Variants in EIF2AK1 observed in about 807,000 individuals in gnomAD.
EIF2AK1 encodes eukaryotic translation initiation factor 2-alpha kinase 1.
Under a neutral mutation model 77.9 loss-of-function variants are expected in EIF2AK1, and 54 were observed. The ratio of observed to expected loss-of-function variants is 0.69; its 90% confidence interval spans 0.56 to 0.87. The LOEUF (loss-of-function observed/expected upper bound fraction) is 0.87. Among genes scored for constraint, EIF2AK1 ranks in the 40% least tolerant of loss-of-function variants. The pLI, the probability that EIF2AK1 is intolerant of heterozygous loss-of-function variation, is 0.00. For missense variants in EIF2AK1, 810 were observed against 768.6 expected (o/e 1.05, Z -0.64); for synonymous variants, 314 against 290.5 (o/e 1.08, Z -0.82).
At chr7:6,057,962 T>A (rs1788834316) in intron 1 of EIF2AK1, among the ~76,000 whole-genome samples, 1 of 152,154 alleles carries the variant, frequency 6.6e-6, no homozygotes, top group Non-Finnish European at 1.5e-5. Flanking sequence ...TAATTTTTAA[T>A]ATTGCTAAAA....
rs756129482 is a variant in EIF2AK1, at chr7:6,050,029, A to G, written c.294T>C (p.Phe98=). 1 of 1,608,228 alleles carries G rather than the reference A, an allele frequency of 6.2e-7. No homozygotes were observed. The highest frequency in any genetic ancestry group is 2.2e-5 in the East Asian group (1 of 44,858). The change falls in exon 3 of 15, where the codon TTT becomes TTC. Residue 98 remains phenylalanine (F), a synonymous_variant. Transcript: ENST00000199389. ...AAGAAGACAGCAGCCCCATTTTGATAAACGTCTGGCAAAGTACTATAAAAA... is the reference window on the plus strand; with the variant it reads ...AAGAAGACAGCAGCCCCATTTTGATGAACGTCTGGCAAAGTACTATAAAAA... ...RQVFKLLCQT[F]IKMGLLSSFT... is the part of the protein sequence containing the mutation.
Position 6,035,877 on chromosome 7 carries a change from G to T in EIF2AK1, c.1332+1547C>A, listed in dbSNP as rs1184542569. On this transcript the variant is annotated intron_variant, in intron 11 of 14. Coordinates refer to ENST00000199389, the MANE Select transcript of EIF2AK1 (RefSeq NM_014413.4). This position sits in a 1 kb window ranked among gnomAD's most constrained non-coding sequence, Gnocchi z 5.5. ...TGCAGTGTGCACTGCATCAAGCAAA[G>T]CAGGCCGACTCCTCGGGGCGGGGGT... 3 of 1,547,218 alleles carry T rather than the reference G, an allele frequency of 1.9e-6. No individual in the cohort carries two copies. In the South Asian group the frequency reaches 3.6e-5, roughly 19 times the overall value.
intron 11 of EIF2AK1, among the ~76,000 whole-genome samples, chr7:6,030,741 C>T (rs1353194160): frequency 6.6e-6 from 1 of 152,146 alleles, no homozygotes; most frequent in African/African-American, 2.4e-5. Flanking sequence ...TCATGTTCTG[C>T]CCGCCCTGGC....
Position 6,022,739 on chromosome 7 carries a change from G to C in EIF2AK1, c.*1934C>G, listed in dbSNP as rs1222788539. ...GGTTCTGTCCAACCAGGCAAAGCGG[G>C]GAGTCATGGCTATCACAGCCATCTT... On this transcript the variant is annotated 3_prime_UTR_variant, in exon 15 of 15. Transcript: ENST00000199389. 6.6e-6 allele frequency: 1 copy of C among 152,452 alleles called. No individual in the cohort carries two copies. Among genetic ancestry groups the C allele is most frequent in the Non-Finnish European group, 1.5e-5 (1 of 68,296 alleles). The allele number at this position is 152,452 out of a possible 1,614,324, so 9.4% of individuals were successfully genotyped here. A position where few individuals can be genotyped will look rare whatever the true frequency, so the allele number is the denominator to read the frequency against.
chr7:6,034,798 G>C (rs188034801), intron 11 of EIF2AK1, among the ~76,000 whole-genome samples: 165 of 152,316 alleles, frequency 1.1e-3, no homozygotes, highest in African/African-American at 3.6e-3. Context: ...TGAGGGCCAA[G>C]TTGTAAAATG....
intron 4 of EIF2AK1, among the ~76,000 whole-genome samples, chr7:6,048,572 A>T (rs1183696814): frequency 6.6e-6 from 1 of 152,190 alleles, no homozygotes; most frequent in Non-Finnish European, 1.5e-5. Context: ...GGTATCAGGA[A>T]TCTGAATTAA....
intron 5 of EIF2AK1, 85 bp downstream of exon 5, chr7:6,046,907 T>C (rs920824224): frequency 7.7e-5 from 97 of 1,266,130 alleles, no homozygotes; most frequent in Non-Finnish European, 9.9e-5. Context: ...CTCAAAAAAA[T>C]AAATAAATAA....
chr7:6,040,767 A>G (rs1788272901), intron 9 of EIF2AK1, 125 bp downstream of exon 9: 3 of 791,040 alleles, frequency 3.8e-6, no homozygotes, highest in Non-Finnish European at 6.1e-6. Context: ...CAAGGGGAAC[A>G]TGGCCAGTAC....
chr7:6,058,635 C>T (rs1281684206), intron 1 of EIF2AK1, among the ~76,000 whole-genome samples: 1 of 152,228 alleles, frequency 6.6e-6, no homozygotes, highest in Non-Finnish European at 1.5e-5. Context: ...AGATCGTTCT[C>T]AACCAATGAC....
Position 6,026,885 on chromosome 7 carries a change from A to G in EIF2AK1, c.1607T>C (p.Val536Ala). 1 of 1,614,108 alleles carries G rather than the reference A, an allele frequency of 6.2e-7. No individual in the cohort carries two copies. Among genetic ancestry groups the G allele is most frequent in the Non-Finnish European group, 8.5e-7 (1 of 1,180,020 alleles). ...PFGTEMERAE[V>A]LTGLRTGQLP... is the part of the protein sequence containing the mutation. ...CTGACCAGTTCTTAAACCTGTTAGA[A>G]CTTCTGCTCGCTCCATTTCTGTTCC... The change falls in exon 14 of 15, where the codon GTT becomes GCT. Residue 536 changes from valine (V) to alanine (A), a missense_variant. Physicochemically the swap from Val to Ala is moderately conservative, Grantham distance 64. This residue lies in a region of EIF2AK1 where 549 missense variants were observed against 533.7 expected (regional missense o/e 1.03). Coordinates refer to ENST00000199389, the MANE Select transcript of EIF2AK1 (RefSeq NM_014413.4).
Position 6,036,254 on chromosome 7 carries a change from C to A in EIF2AK1, c.1332+1170G>T, listed in dbSNP as rs572563775. 54 of 1,550,136 alleles carry A rather than the reference C, an allele frequency of 3.5e-5. No homozygotes were observed. In the African/African-American group the frequency reaches 6.8e-4, roughly 20 times the overall value. ...TAAAGCAATCGCAAAAACCTTTATCCCTACAGGGTATCTGCAAAAGAAACA... is the reference window on the plus strand; with the variant it reads ...TAAAGCAATCGCAAAAACCTTTATCACTACAGGGTATCTGCAAAAGAAACA... On this transcript the variant is annotated intron_variant, in intron 11 of 14. Coordinates refer to ENST00000199389, the MANE Select transcript of EIF2AK1 (RefSeq NM_014413.4). The surrounding 1 kb of genome is among the most constrained non-coding windows in gnomAD (Gnocchi z 4.6).
chr7:6,045,578 C>G (rs1236705241), intron 6 of EIF2AK1, among the ~76,000 whole-genome samples: 2 of 151,952 alleles, frequency 1.3e-5, no homozygotes, highest in Non-Finnish European at 2.9e-5. Context: ...TATTTCAGGG[C>G]AGGTGACAGA....
intron 2 of EIF2AK1, among the ~76,000 whole-genome samples, chr7:6,053,223 T>G (rs1181895818): frequency 6.6e-6 from 1 of 152,146 alleles, no homozygotes; most frequent in African/African-American, 2.4e-5. Flanking sequence ...ATATGGTAGA[T>G]GTATATATTT....
At chr7:6,049,118 C>CCT (rs756846215) in intron 3 of EIF2AK1, among the ~76,000 whole-genome samples, 8 of 152,232 alleles carry the variant, frequency 5.3e-5, no homozygotes, top group Non-Finnish European at 8.8e-5. Context: ...TATGGTGGCA[C>CCT]CTGGCACCCT....
At chr7:6,038,944 C>T (rs183236261) in intron 9 of EIF2AK1, among the ~76,000 whole-genome samples, 41 of 152,236 alleles carry the variant, frequency 2.7e-4, no homozygotes, top group African/African-American at 8.9e-4. Context: ...AGGCTGAAGT[C>T]AGGCAGGGGT....
At chr7:6,058,211 A>G in intron 1 of EIF2AK1, 1 of 454,392 alleles carries the variant, frequency 2.2e-6, no homozygotes, top group Non-Finnish European at 4.4e-6. Flanking sequence ...GGCGTTCGAG[A>G]CCAGCCTGGG....
Position 6,023,581 on chromosome 7 carries a change from C to T in EIF2AK1, c.*1092G>A, listed in dbSNP as rs765449737. ...AGCAGACGTGGTGCTGTGGTCTGTACTCCAGCAGATCGGAGGCTGCAGTGT... is the reference window on the plus strand; with the variant it reads ...AGCAGACGTGGTGCTGTGGTCTGTATTCCAGCAGATCGGAGGCTGCAGTGT... On this transcript the variant is annotated 3_prime_UTR_variant, in exon 15 of 15. Coordinates refer to ENST00000199389, the MANE Select transcript of EIF2AK1 (RefSeq NM_014413.4). 4 of 1,614,236 alleles carry T rather than the reference C, an allele frequency of 2.5e-6. No homozygotes were observed. Among genetic ancestry groups the T allele is most frequent in the African/African-American group, 1.3e-5 (1 of 75,068 alleles).
rs1372483811 is a variant in EIF2AK1, at chr7:6,041,041, C to CCA, written c.968_969dup (p.Glu324TrpfsTer29). The CCA allele has an allele frequency of 6.2e-7, 1 of 1,613,958 alleles. No homozygotes were observed. Among genetic ancestry groups the CCA allele is most frequent in the African/African-American group, 1.3e-5 (1 of 74,878 alleles). On this transcript the variant is annotated frameshift_variant, in exon 9 of 15. Coordinates refer to ENST00000199389, the MANE Select transcript of EIF2AK1 (RefSeq NM_014413.4). LOFTEE classifies it high-confidence loss of function. ...CCAGCCAAGCCATTTTCCTGGAGCT[C>CCA]CAGGGTCGACTCAAGTTCACCAGAT... is the stretch of plus-strand genomic sequence containing the variant.
intron 3 of EIF2AK1, among the ~76,000 whole-genome samples, chr7:6,049,063 T>G (rs1318595713): frequency 3.3e-5 from 5 of 152,122 alleles, no homozygotes; most frequent in African/African-American, 1.2e-4. Flanking sequence ...TCAAAATCCA[T>G]GCAGGAGCTC....
Sources: allele counts gnomAD v4.1 joint callset (sites outside exome capture counted in the v4.1 genomes callset), GRCh38; gene constraint gnomAD v4.1.1; regional missense constraint gnomAD v4.1.1; non-coding constraint Gnocchi (gnomAD v3.1); transcripts MANE v1.5; gene names NCBI Gene and HGNC (gene_info 2026-07-23, HGNC 2026-07-21).